The following HS3ST4 variants were observed in gnomAD, a reference collection of about 807,000 sequenced individuals.
HS3ST4 encodes heparan sulfate glucosamine 3-O-sulfotransferase 4.
HS3ST4 carries 17 observed loss-of-function variants against 29.2 expected under a neutral mutation model. That is an observed-to-expected ratio of 0.58 (90% CI 0.40 to 0.87). HS3ST4 has a LOEUF of 0.87. Ranked by LOEUF, HS3ST4 falls within the 40% of genes least tolerant of loss-of-function variation. The probability of loss-of-function intolerance (pLI) is 0.00; values close to 1 mark genes in which losing one functional copy is unlikely to be tolerated. For missense variants in HS3ST4, 627 were observed against 634.5 expected (o/e 0.99, Z 0.13); for synonymous variants, 314 against 285.7 (o/e 1.10, Z -1.00).
chr16:25,908,967 C>G (rs1207269716), intron 1 of HS3ST4, among the ~76,000 whole-genome samples: 1 of 152,186 alleles, frequency 6.6e-6, no homozygotes, highest in African/African-American at 2.4e-5. Context: ...GTGCCCAGGG[C>G]TGTGCTGGGC....
At chr16:25,843,795 C>A (rs1286563213) in intron 1 of HS3ST4, among the ~76,000 whole-genome samples, 1 of 152,212 alleles carries the variant, frequency 6.6e-6, no homozygotes, top group African/African-American at 2.4e-5. Context: ...ATGCAGGATT[C>A]TCTTACTATC....
chr16:25,850,506 C>G (rs1238727290), intron 1 of HS3ST4, among the ~76,000 whole-genome samples: 1 of 152,182 alleles, frequency 6.6e-6, no homozygotes, highest in Non-Finnish European at 1.5e-5. Flanking sequence ...TTCATTACTT[C>G]TAAATTCTGG....
At position 26,062,598 on chromosome 16, in the gene HS3ST4, A is replaced by G. The variant is rs1004911711; in HGVS notation, c.735-73014A>G. Among the ~76,000 whole-genome samples the G allele has an allele frequency of 2.7e-5, 4 of 145,738 alleles. 1 individual carries two copies. Among genetic ancestry groups the G allele is most frequent in the Non-Finnish European group, 6.0e-5 (4 of 66,668 alleles). Reference sequence around the variant, plus strand: ...TCATCTTCATTGCCATGCATCATGGACTATTGGTATAGTTTTTTTTTTTTT... The same window carrying G: ...TCATCTTCATTGCCATGCATCATGGGCTATTGGTATAGTTTTTTTTTTTTT... On this transcript the variant is annotated intron_variant, in intron 1 of 1. Coordinates refer to ENST00000331351, the MANE Select transcript of HS3ST4 (RefSeq NM_006040.3).
chr16:25,719,900 C>A (rs1300876520), intron 1 of HS3ST4, among the ~76,000 whole-genome samples: 3 of 152,186 alleles, frequency 2.0e-5, no homozygotes, highest in Admixed American at 2.0e-4. Flanking sequence ...GCAAAACAAA[C>A]TTCCTTCTTA....
At chr16:26,069,227 T>C (rs1298837890) in intron 1 of HS3ST4, among the ~76,000 whole-genome samples, 2 of 152,216 alleles carry the variant, frequency 1.3e-5, no homozygotes, top group Non-Finnish European at 2.9e-5. Flanking sequence ...GCTGAAATTA[T>C]AGGCATGAGC....
chr16:25,881,617 C>T (rs1367409570), intron 1 of HS3ST4, among the ~76,000 whole-genome samples: 1 of 152,140 alleles, frequency 6.6e-6, no homozygotes, highest in Non-Finnish European at 1.5e-5. Context: ...AGACAGAGGG[C>T]TCCTGCAGTC....
At chr16:25,846,646 A>T (rs1476167564) in intron 1 of HS3ST4, among the ~76,000 whole-genome samples, 1 of 152,034 alleles carries the variant, frequency 6.6e-6, no homozygotes, top group African/African-American at 2.4e-5. Flanking sequence ...GAATTCTGTT[A>T]TATTTGTTTA....
chr16:26,018,165 G>A (rs1197597799), intron 1 of HS3ST4, among the ~76,000 whole-genome samples: 3 of 152,326 alleles, frequency 2.0e-5, no homozygotes, highest in East Asian at 3.9e-4. Context: ...TTTTATCTCT[G>A]TGTGGCCAGT....
intron 1 of HS3ST4, among the ~76,000 whole-genome samples, chr16:26,098,946 G>A (rs952753351): frequency 4.6e-5 from 7 of 151,996 alleles, no homozygotes; most frequent in Non-Finnish European, 1.0e-4. Context: ...GTGATATAGA[G>A]GTCCAAGAAC....
intron 1 of HS3ST4, among the ~76,000 whole-genome samples, chr16:25,777,016 T>C (rs981590300): frequency 6.6e-6 from 1 of 152,228 alleles, no homozygotes; most frequent in Non-Finnish European, 1.5e-5. Context: ...AGGATACTTT[T>C]TTCCATGGTT....
chr16:26,093,867 A>G (rs9931579), intron 1 of HS3ST4, among the ~76,000 whole-genome samples: 5,085 of 152,288 alleles, frequency 0.033, 264 homozygotes, highest in African/African-American at 0.11. Context: ...AAACCTTGAA[A>G]AAAGGTTAGA....
At chr16:25,714,308 G>A (rs902459003) in intron 1 of HS3ST4, among the ~76,000 whole-genome samples, 1 of 152,130 alleles carries the variant, frequency 6.6e-6, no homozygotes, top group African/African-American at 2.4e-5. Context: ...GCTTAGAGCC[G>A]GCTGTGTCTC....
At chr16:25,735,667 C>T (rs567669504) in intron 1 of HS3ST4, among the ~76,000 whole-genome samples, 9 of 152,266 alleles carry the variant, frequency 5.9e-5, no homozygotes, top group South Asian at 2.1e-4. Context: ...CTGGGGATTA[C>T]GGGTATGAGC....
chr16:25,754,719 CA>C (rs1404092945), intron 1 of HS3ST4, among the ~76,000 whole-genome samples: 1 of 152,092 alleles, frequency 6.6e-6, no homozygotes, highest in Non-Finnish European at 1.5e-5. Flanking sequence ...ATCACGATCA[CA>C]AGAACAGGAT....
At chr16:26,120,172 G>A (rs1234981585) in intron 1 of HS3ST4, among the ~76,000 whole-genome samples, 1 of 152,060 alleles carries the variant, frequency 6.6e-6, no homozygotes, top group Non-Finnish European at 1.5e-5. Context: ...AGCAGAGTGT[G>A]TAGGTATGTG....
intron 1 of HS3ST4, among the ~76,000 whole-genome samples, chr16:25,788,544 C>CTTTTTT (rs565611368): frequency 2.3e-4 from 29 of 123,560 alleles, no homozygotes; most frequent in Non-Finnish European, 3.2e-4. Flanking sequence ...TTTCTTCTTT[C>CTTTTTT]TTTTTTTTTT....
intron 1 of HS3ST4, among the ~76,000 whole-genome samples, chr16:25,779,087 G>A (rs1028495694): frequency 1.6e-4 from 25 of 152,100 alleles, no homozygotes; most frequent in South Asian, 4.1e-4. Flanking sequence ...CCTGACTAAT[G>A]CAGTCCTTCC....
At chr16:26,019,710 G>T (rs548751637) in intron 1 of HS3ST4, among the ~76,000 whole-genome samples, 1 of 152,272 alleles carries the variant, frequency 6.6e-6, no homozygotes, top group South Asian at 2.1e-4. Flanking sequence ...CCTCAGTGGT[G>T]ATGGTTTGAA....
chr16:26,069,347 T>G (rs1265818833), intron 1 of HS3ST4, among the ~76,000 whole-genome samples: 2 of 152,182 alleles, frequency 1.3e-5, no homozygotes, highest in Non-Finnish European at 2.9e-5. Flanking sequence ...TGCCTTGCTT[T>G]AGTGAACAGA....
Sources: gnomAD v4.1 joint callset for allele counts (sites outside exome capture counted in the v4.1 genomes callset) on GRCh38, gnomAD v4.1.1 for gene constraint, MANE v1.5 for transcripts, NCBI Gene and HGNC (gene_info 2026-07-23, HGNC 2026-07-21) for gene names.